Variants in CERS6 observed in about 807,000 individuals in gnomAD.
The protein encoded by CERS6 is LAG1 homolog, ceramide synthase 6.
In CERS6, 26 loss-of-function variants were observed where a neutral mutation model predicts 56.8. The ratio of observed to expected loss-of-function variants is 0.46; its 90% CI spans 0.34 to 0.63. The LOEUF is 0.63. Ranked by LOEUF, CERS6 falls within the 30% of genes least tolerant of loss-of-function variation. The pLI is 0.01. For missense variants in CERS6, 415 were observed against 467.5 expected (o/e 0.89, Z 1.04); for synonymous variants, 164 against 173.3 (o/e 0.95, Z 0.42).
intron 4 of CERS6, among the ~76,000 whole-genome samples, chr2:168,655,097 A>C (rs1031984848): frequency 3.9e-5 from 6 of 152,248 alleles, no homozygotes; most frequent in African/African-American, 1.4e-4. Flanking sequence ...ACATTTATCC[A>C]AAGAAGACAT....
At chr2:168,503,372 G>A (rs1433658384) in intron 1 of CERS6, among the ~76,000 whole-genome samples, 1 of 152,178 alleles carries the variant, frequency 6.6e-6, no homozygotes, top group Non-Finnish European at 1.5e-5. Flanking sequence ...TCAGGTAAAG[G>A]CAAGAGGATA....
intron 1 of CERS6, among the ~76,000 whole-genome samples, chr2:168,521,344 TTGAC>T (rs1348772440): frequency 2.2e-4 from 34 of 152,324 alleles, no homozygotes; most frequent in South Asian, 6.2e-4. Context: ...CTTTTCAAAT[TTGAC>T]TGCATTTTTC....
At chr2:168,614,325 G>T (rs1242665111) in intron 3 of CERS6, among the ~76,000 whole-genome samples, 1 of 152,130 alleles carries the variant, frequency 6.6e-6, no homozygotes, top group Non-Finnish European at 1.5e-5. Context: ...AAACATCTGT[G>T]TCTACACATA....
At chr2:168,533,172 C>T (rs1013586974) in intron 1 of CERS6, among the ~76,000 whole-genome samples, 1 of 152,176 alleles carries the variant, frequency 6.6e-6, no homozygotes, top group African/African-American at 2.4e-5. Flanking sequence ...GTATATCTTG[C>T]ATTGATTTTC....
intron 4 of CERS6, among the ~76,000 whole-genome samples, chr2:168,667,622 A>G (rs1043990050): frequency 2.0e-5 from 3 of 151,904 alleles, no homozygotes; most frequent in Admixed American, 1.3e-4. Context: ...GGATGACACT[A>G]CTGCATTATT....
intron 9 of CERS6, 40 bp downstream of exon 9, chr2:168,765,788 TTTTG>T: frequency 6.4e-7 from 1 of 1,569,110 alleles, no homozygotes; most frequent in Non-Finnish European, 8.7e-7. Context: ...TCTTAAAAAA[TTTTG>T]TTTTTGTAAT....
rs146557796 is a variant in CERS6, at chr2:168,737,953, A to G, written c.845+19975A>G. On this transcript the variant is annotated intron_variant, in intron 8 of 9. Transcript: ENST00000305747. ...TGTTTTTTAAGAGTTTGAAATATGT[A>G]TAGATGAGATATCTGTACATATATA... Among the ~76,000 whole-genome samples, 433 of 152,346 alleles carry G rather than the reference A, an allele frequency of 2.8e-3. 4 individuals carry two copies. The highest frequency in any genetic ancestry group is 9.4e-3 in the African/African-American group (392 of 41,572).
chr2:168,773,792 T>G lies in CERS6; in HGVS notation c.*4130T>G, dbSNP rs1356488628. 6.6e-6 allele frequency: 1 copy of G among 152,254 alleles called. No homozygotes were observed. The highest frequency in any genetic ancestry group is 1.5e-5 in the Non-Finnish European group (1 of 68,050). The allele number at this position is 152,254 out of a possible 1,614,324, so 9.4% of individuals were successfully genotyped here. The stretch of plus-strand genomic sequence containing the variant: ...TAGTGATGAGCACTGACTGGTTCAC[T>G]GGCCACATTTTAGTTCTTCATAATA... On this transcript the variant is annotated 3_prime_UTR_variant, in exon 10 of 10. Transcript: ENST00000305747.
intron 1 of CERS6, among the ~76,000 whole-genome samples, chr2:168,463,211 T>A (rs1437657800): frequency 6.6e-6 from 1 of 152,218 alleles, no homozygotes; most frequent in Non-Finnish European, 1.5e-5. Context: ...GATCTAACAA[T>A]TTTGGTGTCT....
intron 1 of CERS6, among the ~76,000 whole-genome samples, chr2:168,534,726 G>A (rs1234478558): frequency 3.3e-5 from 5 of 152,160 alleles, no homozygotes; most frequent in Admixed American, 3.3e-4. Flanking sequence ...GGAACAACAG[G>A]ACCCGTTTAA....
intron 6 of CERS6, 68 bp from the exon 7 acceptor site, chr2:168,714,933 T>A: frequency 6.7e-7 from 1 of 1,484,920 alleles, no homozygotes; most frequent in East Asian, 2.3e-5. Context: ...ACTGGTTCAG[T>A]GGCTGAATGG....
At chr2:168,511,844 A>T (rs887768623) in intron 1 of CERS6, among the ~76,000 whole-genome samples, 1 of 152,194 alleles carries the variant, frequency 6.6e-6, no homozygotes, top group Non-Finnish European at 1.5e-5. Flanking sequence ...TAATTAAGAT[A>T]AAGGATTCAC....
chr2:168,546,756 T>C (rs1695473245), intron 1 of CERS6, among the ~76,000 whole-genome samples: 1 of 152,230 alleles, frequency 6.6e-6, no homozygotes. Context: ...AAATGAATAT[T>C]TACAGAGTTT....
At chr2:168,730,020 A>C (rs1683475298) in intron 8 of CERS6, among the ~76,000 whole-genome samples, 2 of 152,214 alleles carry the variant, frequency 1.3e-5, no homozygotes, top group South Asian at 4.1e-4. Context: ...ATGAAATTTT[A>C]GCGTTTCCCC....
Position 168,644,371 on chromosome 2 carries a change from A to G in CERS6, c.465+13329A>G, listed in dbSNP as rs907002386. The G allele has an allele frequency of 1.5e-5, 15 of 984,858 alleles. No homozygotes were observed. The African/African-American group carries it at 2.6e-4, about 17-fold the overall frequency. The allele number at this position is 984,858 out of a possible 1,614,324, so 61.0% of individuals were successfully genotyped here. A position where few individuals can be genotyped will look rare whatever the true frequency, so the allele number is the denominator to read the frequency against. ...TGTGTTTGGGGATGGGGAAGAGAGG[A>G]GGCAGCAGATATGAGAATGATGAGA... On this transcript the variant is annotated intron_variant, in intron 4 of 9. Coordinates refer to ENST00000305747, the MANE Select transcript of CERS6 (RefSeq NM_203463.3).
chr2:168,712,919 TTATAGTC>T (rs1209329012), intron 6 of CERS6, among the ~76,000 whole-genome samples: 1 of 152,198 alleles, frequency 6.6e-6, no homozygotes, highest in African/African-American at 2.4e-5. Context: ...CTGTGTACTA[TTATAGTC>T]TATCTCCCCC....
intron 8 of CERS6, among the ~76,000 whole-genome samples, chr2:168,754,031 G>C (rs761589474): frequency 3.3e-5 from 5 of 152,184 alleles, no homozygotes; most frequent in Non-Finnish European, 5.9e-5. Context: ...TTGGGGGACA[G>C]TGTCAGGACA....
At chr2:168,580,385 G>T (rs1028864752) in intron 3 of CERS6, among the ~76,000 whole-genome samples, 1 of 151,978 alleles carries the variant, frequency 6.6e-6, no homozygotes, top group African/African-American at 2.4e-5. Flanking sequence ...GGTTATCCTA[G>T]AAATTACAAC....
chr2:168,596,340 T>C (rs1315130595), intron 3 of CERS6, among the ~76,000 whole-genome samples: 1 of 151,672 alleles, frequency 6.6e-6, no homozygotes, highest in African/African-American at 2.4e-5. Context: ...GGGCGGGGGA[T>C]TGGGGGGAGG....
Sources: allele counts gnomAD v4.1 joint callset (sites outside exome capture counted in the v4.1 genomes callset), GRCh38; gene constraint gnomAD v4.1.1; transcripts MANE v1.5; gene names NCBI Gene and HGNC (gene_info 2026-07-23, HGNC 2026-07-21).